The following FAM13A variants were observed in gnomAD, a reference collection of about 807,000 sequenced individuals.
FAM13A encodes the protein family with sequence similarity 13 member A, also known as protein FAM13A.
In FAM13A, 76 loss-of-function variants were observed where a neutral mutation model predicts 129.6. The ratio of observed to expected loss-of-function variants is 0.59; its 90% CI spans 0.49 to 0.71. The LOEUF (loss-of-function observed/expected upper bound fraction) is 0.71, where lower values mean the gene tolerates loss of function less well. Among genes scored for constraint, FAM13A ranks in the 30% least tolerant of loss-of-function variants. The probability of loss-of-function intolerance (pLI) is 0.00; values close to 1 mark genes in which losing one functional copy is unlikely to be tolerated. For missense variants in FAM13A, 1,108 were observed against 1,249.3 expected, an observed-to-expected ratio of 0.89 and a Z score of 1.70; for synonymous variants, 443 against 449.9, an observed-to-expected ratio of 0.98 and a Z score of 0.20.
chr4:88,874,817 G>A (rs536257178), intron 6 of FAM13A, among the ~76,000 whole-genome samples: 1 of 152,288 alleles, frequency 6.6e-6, no homozygotes, highest in South Asian at 2.1e-4. Context: ...AACCAAGAAA[G>A]AGCCTGCATT....
At chr4:88,912,044 T>C (rs182057402) in intron 5 of FAM13A, among the ~76,000 whole-genome samples, 1 of 152,380 alleles carries the variant, frequency 6.6e-6, no homozygotes, top group Admixed American at 6.5e-5. Context: ...GTAACTATTC[T>C]TGAATTACTG....
rs141066713 is a variant in FAM13A at position 88,788,046 on chromosome 4, A to G, written c.1092-114T>C. 224 of 750,540 alleles carry G rather than the reference A, an allele frequency of 3.0e-4. 1 individual carries two copies. The Middle Eastern group carries it at 5.3e-3, about 18-fold the overall frequency. 46.5% of individuals were successfully genotyped at this position (750,540 alleles called of 1,614,324 possible). On this transcript the variant is annotated intron_variant, in intron 9 of 23. Coordinates refer to ENST00000264344, the MANE Select transcript of FAM13A (RefSeq NM_014883.4). ...TGTATTTCCAGTGGAAAGTCTTTAG[A>G]ACTTCATAAGCAAAGAGAGATGATG... is the stretch of plus-strand genomic sequence containing the variant.
chr4:88,954,022 T>C (rs1339408649), intron 4 of FAM13A, among the ~76,000 whole-genome samples: 2 of 152,172 alleles, frequency 1.3e-5, no homozygotes, highest in Admixed American at 6.5e-5. Context: ...GCCAAAGTGT[T>C]TGGAAATGAT....
chr4:88,934,375 C>T (rs999699106), intron 5 of FAM13A, among the ~76,000 whole-genome samples: 1 of 152,120 alleles, frequency 6.6e-6, no homozygotes, highest in East Asian at 1.9e-4. Flanking sequence ...ATGCTTTGCT[C>T]CTAGTAGGCA....
At chr4:88,858,736 G>A (rs1199534485) in intron 6 of FAM13A, among the ~76,000 whole-genome samples, 1 of 152,192 alleles carries the variant, frequency 6.6e-6, no homozygotes, top group Non-Finnish European at 1.5e-5. Flanking sequence ...AGGGGATGGA[G>A]GAGGGGAAGT....
chr4:88,915,576 T>C (rs1749977376), intron 5 of FAM13A, among the ~76,000 whole-genome samples: 1 of 152,158 alleles, frequency 6.6e-6, no homozygotes, highest in South Asian at 2.1e-4. Flanking sequence ...CTATTAAAAA[T>C]TGCCCTACAG....
intron 7 of FAM13A, among the ~76,000 whole-genome samples, chr4:88,836,829 G>A (rs890431100): frequency 1.3e-5 from 2 of 151,648 alleles, no homozygotes; most frequent in African/African-American, 2.4e-5. Context: ...GCATGGTGGC[G>A]GGTGTTTGTA....
chr4:88,785,368 C>T (rs746315603), intron 10 of FAM13A, among the ~76,000 whole-genome samples: 17 of 151,944 alleles, frequency 1.1e-4, no homozygotes, highest in Non-Finnish European at 1.5e-4. Flanking sequence ...TATACTATGA[C>T]GAACTCTTGA....
chr4:88,776,215 T>C (rs1721676649), intron 11 of FAM13A, among the ~76,000 whole-genome samples: 1 of 152,238 alleles, frequency 6.6e-6, no homozygotes, highest in South Asian at 2.1e-4. Context: ...CAATCACTTT[T>C]AGCTATATAT....
intron 13 of FAM13A, among the ~76,000 whole-genome samples, chr4:88,766,638 T>G (rs1326971230): frequency 6.6e-6 from 1 of 152,172 alleles, no homozygotes; most frequent in East Asian, 1.9e-4. Context: ...TGCTATGCTG[T>G]AAAACTCCAT....
intron 4 of FAM13A, among the ~76,000 whole-genome samples, chr4:88,957,563 A>C (rs1757951392): frequency 1.3e-5 from 2 of 152,212 alleles, no homozygotes; most frequent in African/African-American, 4.8e-5. Context: ...ATTGGTACCA[A>C]GGATGGGCAT....
At chr4:89,013,180 C>A (rs553926112) in intron 3 of FAM13A, among the ~76,000 whole-genome samples, 24 of 149,244 alleles carry the variant, frequency 1.6e-4, no homozygotes, top group East Asian at 1.9e-4. Context: ...GTACCTCACA[C>A]AGGATAAACC....
intron 3 of FAM13A, among the ~76,000 whole-genome samples, chr4:89,019,760 T>G (rs1206043715): frequency 1.7e-5 from 1 of 57,828 alleles, no homozygotes; most frequent in South Asian, 6.6e-4. Context: ...AAACTACATC[T>G]CAAAAAAAAA....
intron 4 of FAM13A, among the ~76,000 whole-genome samples, chr4:88,985,580 A>G (rs1425235895): frequency 6.6e-6 from 1 of 152,012 alleles, no homozygotes; most frequent in Admixed American, 6.6e-5. Context: ...AAAAATGGAC[A>G]CTCTTGCATG....
At chr4:88,863,911 A>G (rs1739943285) in intron 6 of FAM13A, among the ~76,000 whole-genome samples, 1 of 152,214 alleles carries the variant, frequency 6.6e-6, no homozygotes, top group Admixed American at 6.5e-5. Context: ...TGAAGCAGAA[A>G]ACAAACAAGT....
At chr4:88,782,352 T>C (rs1305202484) in intron 10 of FAM13A, among the ~76,000 whole-genome samples, 2 of 151,748 alleles carry the variant, frequency 1.3e-5, no homozygotes, top group Non-Finnish European at 2.9e-5. Flanking sequence ...CACAGCACCA[T>C]GGCTTGGTAA....
rs764310697 is a variant in FAM13A at position 88,906,418 on chromosome 4, G to A, written c.804C>T (p.Gly268=). 3.1e-6 allele frequency: 5 copies of A among 1,612,118 alleles called. No individual in the cohort carries two copies. The highest frequency in any genetic ancestry group is 4.2e-6 in the Non-Finnish European group (5 of 1,178,916). Residue 268 remains glycine (G), a synonymous_variant, in exon 6 of 24, where the codon GGC becomes GGT. Transcript: ENST00000264344. ...KNSLPILLTR[G]LERDMPKPPP... ...GTGGTTTTGGCATGTCTCTTTCTAA[G>A]CCTCTTGTTAAAAGGATGGGCAGGG...
At chr4:89,039,816 T>C (rs1769873953) in intron 1 of FAM13A, among the ~76,000 whole-genome samples, 1 of 151,972 alleles carries the variant, frequency 6.6e-6, no homozygotes, top group Admixed American at 6.6e-5. Context: ...TATCTGGGCA[T>C]GATGGCTAAT....
intron 20 of FAM13A, 183 bp from the exon 21 acceptor site, chr4:88,737,738 C>T: frequency 1.6e-6 from 1 of 610,356 alleles, no homozygotes. Flanking sequence ...TGCTGCTTCC[C>T]TTCAGCGCCC....
Sources: gnomAD v4.1 joint callset for allele counts (sites outside exome capture counted in the v4.1 genomes callset) on GRCh38, gnomAD v4.1.1 for gene constraint, MANE v1.5 for transcripts, NCBI Gene and HGNC (gene_info 2026-07-23, HGNC 2026-07-21) for gene names.